Variants in FUCA2 observed in about 807,000 individuals in gnomAD.
The protein encoded by FUCA2 is plasma alpha-L-fucosidase.
FUCA2 carries 41 observed loss-of-function variants against 52.6 expected under a neutral mutation model. The ratio of observed to expected loss-of-function variants is 0.78; its 90% confidence interval spans 0.61 to 1.01. The LOEUF (loss-of-function observed/expected upper bound fraction) is 1.01. Among genes scored for constraint, FUCA2 ranks in the 50% least tolerant of loss-of-function variants. The probability of loss-of-function intolerance (pLI) is 0.00; values close to 1 mark genes in which losing one functional copy is unlikely to be tolerated. For synonymous variants in FUCA2, 211 were observed against 217.3 expected, an observed-to-expected ratio of 0.97 and a Z score of 0.26; for missense variants, 507 against 569.5, an observed-to-expected ratio of 0.89 and a Z score of 1.12.
Position 143,497,638 on chromosome 6 carries a change from C to T in FUCA2, c.1155-141G>A. ...CTAATAGAAGGGAAGGAAAAATAGC[C>T]TCATGGTGGTATAAAAAAACACCTT... On this transcript the variant is annotated intron_variant, in intron 5 of 6. Coordinates refer to ENST00000002165, the MANE Select transcript of FUCA2 (RefSeq NM_032020.5). The surrounding 1 kb of genome is among the most constrained non-coding windows in gnomAD (Gnocchi z 5.3). 1.8e-6 allele frequency: 1 copy of T among 559,100 alleles called. No homozygotes were observed. The highest frequency in any genetic ancestry group is 3.2e-6 in the Non-Finnish European group (1 of 316,594). 34.6% of individuals were successfully genotyped at this position (559,100 alleles called of 1,614,324 possible).
rs762953761 is a variant in FUCA2, at chr6:143,497,359, T to A, written c.1263+30A>T. On this transcript the variant is annotated intron_variant, in intron 6 of 6. Coordinates refer to ENST00000002165, the MANE Select transcript of FUCA2 (RefSeq NM_032020.5). The surrounding 1 kb of genome is among the most constrained non-coding windows in gnomAD (Gnocchi z 5.3). ...GCATCAAGATGTTCTAATCAGCAAT[T>A]TAAAGGAATAAGGTAAAATTCCCTC... 2.2e-6 allele frequency: 3 copies of A among 1,393,014 alleles called. No individual in the cohort carries two copies. Among genetic ancestry groups the A allele is most frequent in the Non-Finnish European group, 3.1e-6 (3 of 978,532 alleles). 86.3% of individuals were successfully genotyped at this position (1,393,014 alleles called of 1,614,324 possible). A position where few individuals can be genotyped will look rare whatever the true frequency, so the allele number is the denominator to read the frequency against.
Position 143,507,606 on chromosome 6 carries a change from C to G in FUCA2, c.225-182G>C, listed in dbSNP as rs113269625. Among the ~76,000 whole-genome samples, 32 of 152,148 alleles carry G rather than the reference C, an allele frequency of 2.1e-4. No individual in the cohort carries two copies. The highest frequency in any genetic ancestry group is 7.5e-4 in the African/African-American group (31 of 41,518). On this transcript the variant is annotated intron_variant, in intron 1 of 6. Coordinates refer to ENST00000002165, the MANE Select transcript of FUCA2 (RefSeq NM_032020.5). This position sits in a 1 kb window ranked among gnomAD's most constrained non-coding sequence, Gnocchi z 4.5. The stretch of plus-strand genomic sequence containing the variant: ...TGCAAACTAAACCCCCTCTCATTTT[C>G]CACCTATCCCCCTGTGATATCCACT...
Position 143,495,673 on chromosome 6 carries a change from A to C in FUCA2, c.*34T>G. The C allele has an allele frequency of 6.3e-7, 1 of 1,598,154 alleles. No individual in the cohort carries two copies. Among genetic ancestry groups the C allele is most frequent in the Non-Finnish European group, 8.6e-7 (1 of 1,168,120 alleles). On this transcript the variant is annotated 3_prime_UTR_variant, in exon 7 of 7. Coordinates refer to ENST00000002165, the MANE Select transcript of FUCA2 (RefSeq NM_032020.5). This position sits in a 1 kb window ranked among gnomAD's most constrained non-coding sequence, Gnocchi z 5.2. ...GACACCTGATAGTTCCTAGCCTTAG[A>C]CATAACTTGCAGCATCAGCCACTCT...
chr6:143,496,333 TTTTG>T (rs376668019), intron 6 of FUCA2: 31,718 of 152,394 alleles, frequency 0.21, 3,415 homozygotes, highest in Non-Finnish European at 0.22. Flanking sequence ...TCTAGGGTTA[TTTTG>T]AACCAAAAAC....
Position 143,500,652 on chromosome 6 carries a change from T to C in FUCA2, c.1154+1280A>G, listed in dbSNP as rs555815778. On this transcript the variant is annotated intron_variant, in intron 5 of 6. Transcript: ENST00000002165. This position sits in a 1 kb window ranked among gnomAD's most constrained non-coding sequence, Gnocchi z 6.9. ...TTTGCATTACCAATATGACCTTGTA[T>C]ATTGATAATGCAAAGGAACAGGTAA... Among the ~76,000 whole-genome samples, 6 of 152,302 alleles carry C rather than the reference T, an allele frequency of 3.9e-5. No homozygotes were observed. The highest frequency in any genetic ancestry group is 7.2e-5 in the African/African-American group (3 of 41,570).
rs1316252503 is a variant in FUCA2, at chr6:143,499,421, T to C, written c.1155-1924A>G. 6.6e-6 allele frequency among the ~76,000 whole-genome samples: 1 copy of C among 152,082 alleles called. No individual in the cohort carries two copies. Among genetic ancestry groups the C allele is most frequent in the East Asian group, 1.9e-4 (1 of 5,182 alleles). Reference sequence around the variant, plus strand: ...ATACAAAAAAATTAGCCAGGCTTGGTGGCGGACACCTGTAATCCCAGCTAC... The same window carrying C: ...ATACAAAAAAATTAGCCAGGCTTGGCGGCGGACACCTGTAATCCCAGCTAC... On this transcript the variant is annotated intron_variant, in intron 5 of 6. Transcript: ENST00000002165. The surrounding 1 kb of genome is among the most constrained non-coding windows in gnomAD (Gnocchi z 6.0).
intron 5 of FUCA2, among the ~76,000 whole-genome samples, chr6:143,498,872 G>A (rs2143137): frequency 0.2 from 30,133 of 152,088 alleles, 3,162 homozygotes; most frequent in Non-Finnish European, 0.22. Flanking sequence ...GAAACTAAAA[G>A]GATGAGGGTT....
rs941468975 is a variant in FUCA2 at position 143,509,575 on chromosome 6, G to A, written c.224+1836C>T. On this transcript the variant is annotated intron_variant, in intron 1 of 6. Transcript: ENST00000002165. The surrounding 1 kb of genome is among the most constrained non-coding windows in gnomAD (Gnocchi z 5.4). ...AATATATCTTTACCTAATCTTCATG[G>A]TTGAACAAAATGATAATATAAGATA... is the stretch of plus-strand genomic sequence containing the variant. Among the ~76,000 whole-genome samples, 8 of 152,132 alleles carry A rather than the reference G, an allele frequency of 5.3e-5. No homozygotes were observed. The highest frequency in any genetic ancestry group is 1.9e-4 in the African/African-American group (8 of 41,426).
rs1397296608 is a variant in FUCA2, at chr6:143,511,451, C to T, written c.184G>A (p.Gly62Arg). ...QAKFGIFIHWGVFSVPSFGSE... is the reference protein window; with the variant it reads ...QAKFGIFIHWRVFSVPSFGSE... ...CCGAAGCTGGGCACGGAAAACACTC[C>T]CCAGTGGATGAAGATGCCGAACTTG... is the stretch of plus-strand genomic sequence containing the variant. The change falls in exon 1 of 7, where the codon GGA becomes AGA. Residue 62 changes from glycine to arginine, a missense_variant. By Grantham distance (125) the Gly-to-Arg change is moderately radical. Transcript: ENST00000002165. This position sits in a 1 kb window ranked among gnomAD's most constrained non-coding sequence, Gnocchi z 6.3. 14 of 1,611,658 alleles carry T rather than the reference C, an allele frequency of 8.7e-6. No individual in the cohort carries two copies. The highest frequency in any genetic ancestry group is 1.1e-5 in the Non-Finnish European group (13 of 1,178,912).
chr6:143,502,216 T>C lies in FUCA2; in HGVS notation c.964-94A>G. Reference sequence around the variant, plus strand: ...ATTTATATATTTATACATGTATATATAGTCACTGCCTAGAAGAACAAACAC... The same window carrying C: ...ATTTATATATTTATACATGTATATACAGTCACTGCCTAGAAGAACAAACAC... On this transcript the variant is annotated intron_variant, in intron 4 of 6. Coordinates refer to ENST00000002165, the MANE Select transcript of FUCA2 (RefSeq NM_032020.5). The surrounding 1 kb of genome is among the most constrained non-coding windows in gnomAD (Gnocchi z 4.1). 7.7e-7 allele frequency: 1 copy of C among 1,305,416 alleles called. No individual in the cohort carries two copies. Among genetic ancestry groups the C allele is most frequent in the Non-Finnish European group, 1.1e-6 (1 of 942,846 alleles). 80.9% of individuals were successfully genotyped at this position (1,305,416 alleles called of 1,614,324 possible). A position where few individuals can be genotyped will look rare whatever the true frequency, so the allele number is the denominator to read the frequency against.
chr6:143,500,167 A>C lies in FUCA2; in HGVS notation c.1154+1765T>G, dbSNP rs1257588884. 1.3e-5 allele frequency among the ~76,000 whole-genome samples: 2 copies of C among 152,126 alleles called. No individual in the cohort carries two copies. Among genetic ancestry groups the C allele is most frequent in the Non-Finnish European group, 1.5e-5 (1 of 68,026 alleles). On this transcript the variant is annotated intron_variant, in intron 5 of 6. Coordinates refer to ENST00000002165, the MANE Select transcript of FUCA2 (RefSeq NM_032020.5). The surrounding 1 kb of genome is among the most constrained non-coding windows in gnomAD (Gnocchi z 6.9). ...GTCAAGTGAGTATGGCAGAGGGAGC[A>C]AGGGTTCAGGAGTTGGGTGTATGCA...
At position 143,503,714 on chromosome 6, in the gene FUCA2, G is replaced by A; in HGVS notation, c.752+199C>T. The A allele has an allele frequency of 2.0e-6, 1 of 503,226 alleles. No homozygotes were observed. 31.2% of individuals were successfully genotyped at this position (503,226 alleles called of 1,614,324 possible). On this transcript the variant is annotated intron_variant, in intron 3 of 6. Transcript: ENST00000002165. This position sits in a 1 kb window ranked among gnomAD's most constrained non-coding sequence, Gnocchi z 4.8. ...GATCTCAAAATCAGACCATTGAGTT[G>A]GATTTTACTCCTGATTTATTTACCC...
chr6:143,508,261 A>G (rs184117548), intron 1 of FUCA2, among the ~76,000 whole-genome samples: 1 of 152,074 alleles, frequency 6.6e-6, no homozygotes, highest in East Asian at 1.9e-4. Context: ...AAACTGCGTA[A>G]GCAAGACTTC....
chr6:143,496,003 T>C (rs1463363855), intron 6 of FUCA2, among the ~76,000 whole-genome samples, 156 bp from the exon 7 acceptor site: 2 of 152,230 alleles, frequency 1.3e-5, no homozygotes, highest in African/African-American at 4.8e-5. Flanking sequence ...CTTCATCCAA[T>C]TGAGTGTATG....
At position 143,501,931 on chromosome 6, in the gene FUCA2, C is replaced by G. The variant is rs781543229; in HGVS notation, c.1154+1G>C. On this transcript the variant is annotated splice_donor_variant, in intron 5 of 6. Coordinates refer to ENST00000002165, the MANE Select transcript of FUCA2 (RefSeq NM_032020.5). LOFTEE classifies it high-confidence loss of function. This position sits in a 1 kb window ranked among gnomAD's most constrained non-coding sequence, Gnocchi z 6.1. ...AGTACTTGGTAACAAGAATGACTTACCACACATCTGGGGTGACAGTGTCAT... is the reference window on the plus strand; with the variant it reads ...AGTACTTGGTAACAAGAATGACTTAGCACACATCTGGGGTGACAGTGTCAT... 1.9e-6 allele frequency: 3 copies of G among 1,610,018 alleles called. No homozygotes were observed. Among genetic ancestry groups the G allele is most frequent in the Admixed American group, 3.4e-5 (2 of 59,580 alleles).
rs1780525972 is a variant in FUCA2, at chr6:143,501,430, C to T, written c.1154+502G>A. On this transcript the variant is annotated intron_variant, in intron 5 of 6. Transcript: ENST00000002165. The surrounding 1 kb of genome is among the most constrained non-coding windows in gnomAD (Gnocchi z 6.1). ...ATATTTGTGGAGTCTGATTCGGGTACTCATTGACACACAGAACCTCCTCAA... is the reference window on the plus strand; with the variant it reads ...ATATTTGTGGAGTCTGATTCGGGTATTCATTGACACACAGAACCTCCTCAA... 6.6e-6 allele frequency among the ~76,000 whole-genome samples: 1 copy of T among 152,146 alleles called. No homozygotes were observed. The highest frequency in any genetic ancestry group is 2.1e-4 in the South Asian group (1 of 4,828).
Position 143,502,719 on chromosome 6 carries a change from C to T in FUCA2, c.753-154G>A, listed in dbSNP as rs998668080. 1 of 649,570 alleles carries T rather than the reference C, an allele frequency of 1.5e-6. No individual in the cohort carries two copies. The highest frequency in any genetic ancestry group is 2.6e-6 in the Non-Finnish European group (1 of 391,726). The allele number at this position is 649,570 out of a possible 1,614,324, so 40.2% of individuals were successfully genotyped here. ...CCCATGGTTTTGAAGTCAAACAGAC[C>T]TGAGTTGATTGGAGTTCTGGCTTTG... On this transcript the variant is annotated intron_variant, in intron 3 of 6. Transcript: ENST00000002165. This position sits in a 1 kb window ranked among gnomAD's most constrained non-coding sequence, Gnocchi z 4.1.
In FUCA2 at chr6:143,497,554, CTATT is replaced by C. The variant is rs1780475429; in HGVS notation, c.1155-61_1155-58del. On this transcript the variant is annotated intron_variant, in intron 5 of 6. Transcript: ENST00000002165. The surrounding 1 kb of genome is among the most constrained non-coding windows in gnomAD (Gnocchi z 5.3). ...AGCAAGTTACATCCCATGTTTCTCA[CTATT>C]TATGGATCAGGAACAATCTGGAATT... 3 of 890,484 alleles carry C rather than the reference CTATT, an allele frequency of 3.4e-6. No individual in the cohort carries two copies. Among genetic ancestry groups the C allele is most frequent in the Non-Finnish European group, 5.5e-6 (3 of 549,816 alleles). The allele number at this position is 890,484 out of a possible 1,614,324, so 55.2% of individuals were successfully genotyped here.
rs955888148 is a variant in FUCA2 at position 143,507,601 on chromosome 6, AT to A, written c.225-178del. Among the ~76,000 whole-genome samples the A allele has an allele frequency of 1.3e-5, 2 of 150,910 alleles. No homozygotes were observed. The highest frequency in any genetic ancestry group is 3.0e-5 in the Non-Finnish European group (2 of 67,750). ...GCTTATGCAAACTAAACCCCCTCTC[AT>A]TTTCCACCTATCCCCCTGTGATATC... On this transcript the variant is annotated intron_variant, in intron 1 of 6. Transcript: ENST00000002165. The surrounding 1 kb of genome is among the most constrained non-coding windows in gnomAD (Gnocchi z 4.5).
Sources: allele counts gnomAD v4.1 joint callset (sites outside exome capture counted in the v4.1 genomes callset), GRCh38; gene constraint gnomAD v4.1.1; non-coding constraint Gnocchi (gnomAD v3.1); transcripts MANE v1.5; gene names NCBI Gene and HGNC (gene_info 2026-07-23, HGNC 2026-07-21).